The following LUZP2 variants were observed in gnomAD, a reference collection of about 807,000 sequenced individuals.
LUZP2 encodes the protein leucine zipper protein 2.
Under a neutral mutation model 51.6 loss-of-function variants are expected in LUZP2, and 52 were observed. That is an observed-to-expected ratio of 1.01 (90% CI 0.81 to 1.27). The LOEUF is 1.27. Ranked by LOEUF, LUZP2 falls within the 50% of genes most tolerant of loss-of-function variation. The pLI, the probability that LUZP2 is intolerant of heterozygous loss-of-function variation, is 0.00. For missense variants in LUZP2, 436 were observed against 395.4 expected (o/e 1.10, Z -0.87); for synonymous variants, 154 against 137.3 (o/e 1.12, Z -0.85).
intron 5 of LUZP2, among the ~76,000 whole-genome samples, chr11:24,893,966 C>A (rs921410181): frequency 1.3e-5 from 2 of 152,038 alleles, no homozygotes; most frequent in African/African-American, 2.4e-5. Flanking sequence ...TTTGATTGTA[C>A]ATTCTGTGTT....
intron 9 of LUZP2, among the ~76,000 whole-genome samples, chr11:25,030,961 C>CATATAATATATATTATATATAATACATAT (rs771626846): frequency 1.2e-4 from 1 of 8,214 alleles, no homozygotes; most frequent in African/African-American, 1.7e-3. Flanking sequence ...ATATATAATA[C>CATATAATATATATTATATATAATACATAT]AATATATATT....
chr11:25,028,695 T>G (rs1857566817), intron 9 of LUZP2, among the ~76,000 whole-genome samples: 2 of 152,062 alleles, frequency 1.3e-5, no homozygotes, highest in Admixed American at 1.3e-4. Context: ...TGCATGTTTT[T>G]TTTTTTTACT....
At chr11:25,059,976 A>G (rs1454585798) in intron 10 of LUZP2, among the ~76,000 whole-genome samples, 1 of 152,178 alleles carries the variant, frequency 6.6e-6, no homozygotes, top group Non-Finnish European at 1.5e-5. Flanking sequence ...AGCACCTAAT[A>G]TGTGCAAGAT....
intron 9 of LUZP2, among the ~76,000 whole-genome samples, chr11:24,998,729 C>G (rs1856585659): frequency 1.3e-5 from 2 of 152,116 alleles, no homozygotes; most frequent in African/African-American, 2.4e-5. Context: ...TTTCTGGGCT[C>G]TCTTTCAGGT....
intron 9 of LUZP2, among the ~76,000 whole-genome samples, chr11:25,046,913 T>C (rs958866763): frequency 6.6e-6 from 1 of 152,150 alleles, no homozygotes; most frequent in Non-Finnish European, 1.5e-5. Context: ...TTAATTTATG[T>C]GGATATTAAC....
chr11:24,628,287 T>A (rs1437579313), intron 1 of LUZP2, among the ~76,000 whole-genome samples: 1 of 151,978 alleles, frequency 6.6e-6, no homozygotes, highest in Non-Finnish European at 1.5e-5. Context: ...TTAAGAAACA[T>A]GCTGGTCTTT....
chr11:25,055,540 GT>G (rs11339552), intron 10 of LUZP2, among the ~76,000 whole-genome samples: 138,130 of 152,034 alleles, frequency 0.91, 63,524 homozygotes, highest in Non-Finnish European at 0.98. Flanking sequence ...TGAGCTCTGA[GT>G]TAAAACTGTG....
At chr11:24,672,466 A>G (rs894211424) in intron 1 of LUZP2, among the ~76,000 whole-genome samples, 4 of 152,212 alleles carry the variant, frequency 2.6e-5, no homozygotes, top group Non-Finnish European at 4.4e-5. Flanking sequence ...AATTCATTGT[A>G]TTTAATTGTA....
At chr11:24,767,949 A>T in intron 5 of LUZP2, among the ~76,000 whole-genome samples, 1 of 149,198 alleles carries the variant, frequency 6.7e-6, no homozygotes, top group Non-Finnish European at 1.5e-5. Flanking sequence ...CACTTTCAAA[A>T]CACCCTTTCT....
chr11:24,746,537 G>T (rs1049888205), intron 4 of LUZP2, among the ~76,000 whole-genome samples: 5 of 152,158 alleles, frequency 3.3e-5, no homozygotes, highest in African/African-American at 1.2e-4. Context: ...TGTAGTCGAT[G>T]ATCTTTTTGT....
intron 5 of LUZP2, among the ~76,000 whole-genome samples, chr11:24,810,070 G>T (rs1490029693): frequency 2.0e-5 from 3 of 152,148 alleles, no homozygotes; most frequent in African/African-American, 7.2e-5. Flanking sequence ...TTTATAAGTA[G>T]TTGTGTTCCA....
chr11:24,677,530 TA>T (rs1392301956), intron 1 of LUZP2, among the ~76,000 whole-genome samples: 1 of 152,226 alleles, frequency 6.6e-6, no homozygotes, highest in Non-Finnish European at 1.5e-5. Context: ...CTTTGCAAAT[TA>T]GGCATTTTTA....
intron 1 of LUZP2, among the ~76,000 whole-genome samples, chr11:24,686,285 TA>T (rs1227367831): frequency 9.2e-5 from 14 of 152,156 alleles, no homozygotes; most frequent in African/African-American, 3.1e-4. Context: ...TGGCAGTTTC[TA>T]ACATTTTCTT....
intron 1 of LUZP2, among the ~76,000 whole-genome samples, chr11:24,585,072 T>C (rs912636605): frequency 2.0e-5 from 3 of 152,188 alleles, no homozygotes; most frequent in Admixed American, 6.5e-5. Context: ...TGATGACTCC[T>C]ACTTTCTGTC....
intron 1 of LUZP2, among the ~76,000 whole-genome samples, chr11:24,537,980 T>G (rs1005251441): frequency 6.6e-6 from 1 of 150,766 alleles, no homozygotes; most frequent in African/African-American, 2.4e-5. Context: ...TTAAGACTAA[T>G]TACTTATAAT....
intron 5 of LUZP2, among the ~76,000 whole-genome samples, chr11:24,901,022 T>G (rs1032793799): frequency 6.6e-6 from 1 of 152,076 alleles, no homozygotes; most frequent in Non-Finnish European, 1.5e-5. Context: ...TCTGCTTGGG[T>G]TTTTCTTCCA....
intron 7 of LUZP2, among the ~76,000 whole-genome samples, chr11:24,921,599 G>T (rs1355561783): frequency 6.6e-6 from 1 of 152,044 alleles, no homozygotes; most frequent in Non-Finnish European, 1.5e-5. Flanking sequence ...TGGTTTGGGG[G>T]TTATTTTTTA....
At chr11:24,973,322 TTTC>T (rs1855798080) in intron 7 of LUZP2, among the ~76,000 whole-genome samples, 1 of 150,706 alleles carries the variant, frequency 6.6e-6, no homozygotes, top group South Asian at 2.1e-4. Flanking sequence ...TCTTCTCTCT[TTTC>T]TTCTTTATTA....
At chr11:24,676,985 A>G (rs1856578656) in intron 1 of LUZP2, among the ~76,000 whole-genome samples, 1 of 152,180 alleles carries the variant, frequency 6.6e-6, no homozygotes, top group African/African-American at 2.4e-5. Flanking sequence ...CATAGCTTTT[A>G]CAGAACTTGT....
Sources: allele counts gnomAD v4.1 joint callset (sites outside exome capture counted in the v4.1 genomes callset), GRCh38; gene constraint gnomAD v4.1.1; transcripts MANE v1.5; gene names NCBI Gene and HGNC (gene_info 2026-07-23, HGNC 2026-07-21).